Variants in EGR1 observed in about 807,000 individuals in gnomAD.
EGR1 encodes the protein early growth response 1.
Under a neutral mutation model 30.2 loss-of-function variants are expected in EGR1, and 8 were observed. The ratio of observed to expected loss-of-function variants is 0.26; its 90% CI spans 0.16 to 0.48. The LOEUF (loss-of-function observed/expected upper bound fraction) is 0.48, where lower values mean the gene tolerates loss of function less well. Among genes scored for constraint, EGR1 ranks in the 20% least tolerant of loss-of-function variants. EGR1 has a pLI of 0.99. For missense variants in EGR1, 568 were observed against 732.3 expected (o/e 0.78, Z 2.59); for synonymous variants, 334 against 312.8 (o/e 1.07, Z -0.72).
Position 138,466,760 on chromosome 5 carries a change from C to G in EGR1, c.311C>G (p.Ser104Cys). 1 of 1,608,926 alleles carries G rather than the reference C, an allele frequency of 6.2e-7. No individual in the cohort carries two copies. The highest frequency in any genetic ancestry group is 8.5e-7 in the Non-Finnish European group (1 of 1,175,884). The change falls in exon 2 of 2, where the codon TCT becomes TGT. Residue 104 changes from serine to cysteine, a missense_variant. Physicochemically the swap from Ser to Cys is moderately radical, Grantham distance 112. This residue lies in a region of EGR1 where 415 missense variants were observed against 445.2 expected (regional missense o/e 0.93). Coordinates refer to ENST00000239938, the MANE Select transcript of EGR1 (RefSeq NM_001964.3). The stretch of plus-strand genomic sequence containing the variant: ...CCGCTTCTCTCTCTCCTGCCAGAGT[C>G]TTTTCCTGACATCTCTCTGAACAAC... ...EQPYEHLTAESFPDISLNNEK... is the reference protein window; with the variant it reads ...EQPYEHLTAECFPDISLNNEK...
In EGR1 at chr5:138,468,749, C is replaced by T. The variant is rs200522659; in HGVS notation, c.*668C>T. On this transcript the variant is annotated 3_prime_UTR_variant, in exon 2 of 2. Transcript: ENST00000239938. ...AACCTTTTTGTAAATACTGCTTGACCGTACTCTCACATGTGGCAAAATATG... is the reference window on the plus strand; with the variant it reads ...AACCTTTTTGTAAATACTGCTTGACTGTACTCTCACATGTGGCAAAATATG... The T allele has an allele frequency of 3.6e-4, 54 of 151,650 alleles. No homozygotes were observed. Among genetic ancestry groups the T allele is most frequent in the Non-Finnish European group, 2.7e-4 (18 of 67,904 alleles). 9.4% of individuals were successfully genotyped at this position (151,650 alleles called of 1,614,324 possible).
chr5:138,466,215 G>A (rs1365510941), intron 1 of EGR1, 147 bp downstream of exon 1: 5 of 1,345,206 alleles, frequency 3.7e-6, no homozygotes, highest in South Asian at 3.1e-5. Context: ...TTAGAGGGAT[G>A]CCAAGGAACC....
chr5:138,465,529 C>T lies in EGR1; in HGVS notation c.-233C>T, dbSNP rs1162380066. ...GGGAGCCGCCGCCGCCATCCGCCGC[C>T]GCAGCCAGCTTCCGCCGCCGCAGGA... On this transcript the variant is annotated 5_prime_UTR_variant, in exon 1 of 2. Coordinates refer to ENST00000239938, the MANE Select transcript of EGR1 (RefSeq NM_001964.3). 6.9e-6 allele frequency: 2 copies of T among 291,130 alleles called. No homozygotes were observed. Among genetic ancestry groups the T allele is most frequent in the African/African-American group, 2.2e-5 (1 of 45,030 alleles). The allele number at this position is 291,130 out of a possible 1,614,324, so 18.0% of individuals were successfully genotyped here.
In EGR1 at chr5:138,466,041, G is replaced by A. The variant is rs200340767; in HGVS notation, c.280G>A (p.Glu94Lys). 19 of 1,595,798 alleles carry A rather than the reference G, an allele frequency of 1.2e-5. No individual in the cohort carries two copies. The highest frequency in any genetic ancestry group is 1.5e-5 in the Non-Finnish European group (18 of 1,172,254). The change falls in exon 1 of 2, where the codon GAG becomes AAG. Residue 94 changes from glutamate (E) to lysine (K), a missense_variant. Transcript: ENST00000239938. ...CTTCAACCCTCAGGCGGACACGGGC[G>A]AGCAGCCCTACGAGCACCTGACCGC... ...STFNPQADTGEQPYEHLTAES... is the reference protein window; with the variant it reads ...STFNPQADTGKQPYEHLTAES...
In EGR1 at chr5:138,467,311, C is replaced by T; in HGVS notation, c.862C>T (p.Pro288Ser). The T allele has an allele frequency of 6.2e-7, 1 of 1,614,154 alleles. No individual in the cohort carries two copies. Among genetic ancestry groups the T allele is most frequent in the Non-Finnish European group, 8.5e-7 (1 of 1,180,036 alleles). Reference sequence around the variant, plus strand: ...CCGCACCCAGCAGCCTTCGCTAACCCCTCTGTCTACTATTAAGGCCTTTGC... The same window carrying T: ...CCGCACCCAGCAGCCTTCGCTAACCTCTCTGTCTACTATTAAGGCCTTTGC... ...ESRTQQPSLT[P>S]LSTIKAFATQ... The change falls in exon 2 of 2, where the codon CCT (proline) becomes TCT (serine). Residue 288 changes from proline to serine, a missense_variant. Coordinates refer to ENST00000239938, the MANE Select transcript of EGR1 (RefSeq NM_001964.3). The surrounding 1 kb of genome is among the most constrained non-coding windows in gnomAD (Gnocchi z 8.3).
Position 138,467,127 on chromosome 5 carries a change from G to A in EGR1, c.678G>A (p.Pro226=), listed in dbSNP as rs1764168714. The part of the protein sequence containing the change: ...IFPEPQSQAF[P]GSAGTALQYP... ...CTGAGCCACAAAGCCAGGCCTTCCC[G>A]GGCTCGGCAGGGACAGCGCTCCAGT... is the stretch of plus-strand genomic sequence containing the variant. Residue 226 remains proline, a synonymous_variant, in exon 2 of 2, where the codon CCG becomes CCA. Transcript: ENST00000239938. The surrounding 1 kb of genome is among the most constrained non-coding windows in gnomAD (Gnocchi z 8.3). 2 of 1,613,464 alleles carry A rather than the reference G, an allele frequency of 1.2e-6. No individual in the cohort carries two copies. Among genetic ancestry groups the A allele is most frequent in the Middle Eastern group, 1.6e-4 (1 of 6,062 alleles).
Position 138,465,709 on chromosome 5 carries a change from C to A in EGR1, c.-53C>A. On this transcript the variant is annotated 5_prime_UTR_variant, in exon 1 of 2. Coordinates refer to ENST00000239938, the MANE Select transcript of EGR1 (RefSeq NM_001964.3). ...CAACTGTGTCCCCTGCAGCTCCAGC[C>A]CCGGGCTGCACCCCCCCGCCCCGAC... 1 of 1,500,010 alleles carries A rather than the reference C, an allele frequency of 6.7e-7. No homozygotes were observed. Among genetic ancestry groups the A allele is most frequent in the South Asian group, 1.3e-5 (1 of 75,020 alleles). The allele number at this position is 1,500,010 out of a possible 1,614,324, so 92.9% of individuals were successfully genotyped here. A position where few individuals can be genotyped will look rare whatever the true frequency, so the allele number is the denominator to read the frequency against.
At position 138,467,438 on chromosome 5, in the gene EGR1, A is replaced by G. The variant is rs555144693; in HGVS notation, c.989A>G (p.Lys330Arg). 6.2e-7 allele frequency: 1 copy of G among 1,614,080 alleles called. No individual in the cohort carries two copies. Among genetic ancestry groups the G allele is most frequent in the African/African-American group, 1.3e-5 (1 of 75,014 alleles). ...RMRKYPNRPS[K>R]TPPHERPYAC... ...CGCAAGTACCCCAACCGGCCCAGCAAGACGCCCCCCCACGAACGCCCTTAC... is the reference window on the plus strand; with the variant it reads ...CGCAAGTACCCCAACCGGCCCAGCAGGACGCCCCCCCACGAACGCCCTTAC... The change falls in exon 2 of 2, where the codon AAG (lysine) becomes AGG (arginine). Residue 330 changes from lysine to arginine, a missense_variant. This residue lies in a region of EGR1 where 415 missense variants were observed against 445.2 expected (regional missense o/e 0.93). Transcript: ENST00000239938. This position sits in a 1 kb window ranked among gnomAD's most constrained non-coding sequence, Gnocchi z 8.3.
chr5:138,465,654 C>A lies in EGR1; in HGVS notation c.-108C>A, dbSNP rs1764141945. ...CCTGCACGCTTCTCAGTGTTCCCCG[C>A]GCCCCGCATGTAACCCGGCCAGGCC... On this transcript the variant is annotated 5_prime_UTR_variant, in exon 1 of 2. Transcript: ENST00000239938. 2 of 1,285,844 alleles carry A rather than the reference C, an allele frequency of 1.6e-6. No individual in the cohort carries two copies. Among genetic ancestry groups the A allele is most frequent in the Non-Finnish European group, 2.0e-6 (2 of 978,588 alleles). 79.7% of individuals were successfully genotyped at this position (1,285,844 alleles called of 1,614,324 possible).
chr5:138,465,885 A>C lies in EGR1; in HGVS notation c.124A>C (p.Ser42Arg). The C allele has an allele frequency of 6.2e-7, 1 of 1,613,944 alleles. No individual in the cohort carries two copies. Reference protein sequence around the residue: ...YPKLEEMMLLSNGAPQFLGAA... With the variant: ...YPKLEEMMLLRNGAPQFLGAA... ...TAAGCTGGAGGAGATGATGCTGCTG[A>C]GCAACGGGGCTCCCCAGTTCCTCGG... Residue 42 changes from serine to arginine, a missense_variant, in exon 1 of 2, where the codon AGC becomes CGC. Ser to Arg is a moderately radical substitution (Grantham distance 110). This residue lies in a region of EGR1 where 415 missense variants were observed against 445.2 expected (regional missense o/e 0.93). Coordinates refer to ENST00000239938, the MANE Select transcript of EGR1 (RefSeq NM_001964.3).
In EGR1 at chr5:138,468,786, CTTTTTTTT is replaced by C; in HGVS notation, c.*713_*720del. ...TGTGGCAAAATATGGTTTGGTTTTT[CTTTTTTTT>C]TTTTTTTGAAAGTGTTTTTTCTTCG... On this transcript the variant is annotated 3_prime_UTR_variant, in exon 2 of 2. Coordinates refer to ENST00000239938, the MANE Select transcript of EGR1 (RefSeq NM_001964.3). 7.4e-6 allele frequency: 1 copy of C among 134,990 alleles called. No individual in the cohort carries two copies. Among genetic ancestry groups the C allele is most frequent in the East Asian group, 2.2e-4 (1 of 4,596 alleles). The allele number at this position is 134,990 out of a possible 1,614,324, so 8.4% of individuals were successfully genotyped here.
At position 138,466,040 on chromosome 5, in the gene EGR1, C is replaced by CCCT. The variant is rs747666045; in HGVS notation, c.279_280insCCT (p.Gly93_Glu94insPro). ...CCTTCAACCCTCAGGCGGACACGGGCGAGCAGCCCTACGAGCACCTGACCG... is the reference window on the plus strand; with the variant it reads ...CCTTCAACCCTCAGGCGGACACGGGCCCTGAGCAGCCCTACGAGCACCTGACCG... On this transcript the variant is annotated inframe_insertion, in exon 1 of 2. Transcript: ENST00000239938. The CCCT allele has an allele frequency of 3.3e-5, 52 of 1,596,218 alleles. No individual in the cohort carries two copies. The highest frequency in any genetic ancestry group is 1.7e-4 in the Middle Eastern group (1 of 6,008).
Position 138,467,004 on chromosome 5 carries a change from C to A in EGR1, c.555C>A (p.Ser185=), listed in dbSNP as rs765836909. The change falls in exon 2 of 2, where the codon TCC becomes TCA. Residue 185 remains serine, a synonymous_variant. Transcript: ENST00000239938. The surrounding 1 kb of genome is among the most constrained non-coding windows in gnomAD (Gnocchi z 8.3). The stretch of plus-strand genomic sequence containing the variant: ...CAGCGGCCTCCTCCGCCTCCGCCTC[C>A]CAGAGCCCACCCCTGAGCTGCGCAG... The part of the protein sequence containing the change: ...PSPAASSASA[S]QSPPLSCAVP... The A allele has an allele frequency of 1.2e-6, 2 of 1,614,042 alleles. No individual in the cohort carries two copies. Among genetic ancestry groups the A allele is most frequent in the East Asian group, 4.5e-5 (2 of 44,888 alleles).
chr5:138,468,486 GTGTC>G lies in EGR1; in HGVS notation c.*409_*412del. 7.5e-6 allele frequency: 2 copies of G among 265,852 alleles called. No homozygotes were observed. The highest frequency in any genetic ancestry group is 7.0e-5 in the South Asian group (2 of 28,738). 16.5% of individuals were successfully genotyped at this position (265,852 alleles called of 1,614,324 possible). On this transcript the variant is annotated 3_prime_UTR_variant, in exon 2 of 2. Transcript: ENST00000239938. ...GAGCCCTGCCCTGCACCCTTGTACA[GTGTC>G]TGTGCCATGGATTTCGTTTTTCTTG...
At position 138,466,035 on chromosome 5, in the gene EGR1, ACGG is replaced by A. The variant is rs778481843; in HGVS notation, c.275_277del (p.Thr92_Gly93delinsSer). The A allele has an allele frequency of 3.3e-5, 52 of 1,598,966 alleles. No homozygotes were observed. Among genetic ancestry groups the A allele is most frequent in the Middle Eastern group, 1.7e-4 (1 of 6,026 alleles). ...CAGCACCTTCAACCCTCAGGCGGACACGGGCGAGCAGCCCTACGAGCACCTGAC... is the reference window on the plus strand; with the variant it reads ...CAGCACCTTCAACCCTCAGGCGGACAGCGAGCAGCCCTACGAGCACCTGAC... On this transcript the variant is annotated inframe_deletion, in exon 1 of 2. Coordinates refer to ENST00000239938, the MANE Select transcript of EGR1 (RefSeq NM_001964.3).
At position 138,468,096 on chromosome 5, in the gene EGR1, G is replaced by T. The variant is rs1430607119; in HGVS notation, c.*15G>T. The T allele has an allele frequency of 6.5e-7, 1 of 1,549,824 alleles. No individual in the cohort carries two copies. Among genetic ancestry groups the T allele is most frequent in the Non-Finnish European group, 8.7e-7 (1 of 1,149,478 alleles). ...AAATTTGCTAAAGGGAAAGGGGAAA[G>T]AAAGGGAAAAGGGAGAAAAAGAAAC... On this transcript the variant is annotated 3_prime_UTR_variant, in exon 2 of 2. Coordinates refer to ENST00000239938, the MANE Select transcript of EGR1 (RefSeq NM_001964.3).
In EGR1 at chr5:138,467,868, C is replaced by A; in HGVS notation, c.1419C>A (p.Ser473=). Residue 473 remains serine, a synonymous_variant, in exon 2 of 2, where the codon TCC becomes TCA. Coordinates refer to ENST00000239938, the MANE Select transcript of EGR1 (RefSeq NM_001964.3). This position sits in a 1 kb window ranked among gnomAD's most constrained non-coding sequence, Gnocchi z 8.3. ...CATACCCATCCCCTGTGCCCACCTC[C>A]TTCTCCTCTCCCGGCTCCTCGACCT... ...TTSYPSPVPT[S]FSSPGSSTYP... 6.2e-7 allele frequency: 1 copy of A among 1,613,856 alleles called. No homozygotes were observed.
chr5:138,468,209 C>T lies in EGR1; in HGVS notation c.*128C>T, dbSNP rs898940454. On this transcript the variant is annotated 3_prime_UTR_variant, in exon 2 of 2. Transcript: ENST00000239938. ...AGATGGAGGTTCTCAGAGCCAAGTC[C>T]TCCCTCTCTACTGGAGTGGAAGGTC... is the stretch of plus-strand genomic sequence containing the variant. 1 of 1,506,336 alleles carries T rather than the reference C, an allele frequency of 6.6e-7. No individual in the cohort carries two copies. Among genetic ancestry groups the T allele is most frequent in the Non-Finnish European group, 8.9e-7 (1 of 1,124,444 alleles). The allele number at this position is 1,506,336 out of a possible 1,614,324, so 93.3% of individuals were successfully genotyped here.
chr5:138,466,766 C>A lies in EGR1; in HGVS notation c.317C>A (p.Pro106His). 1 of 1,610,038 alleles carries A rather than the reference C, an allele frequency of 6.2e-7. No homozygotes were observed. The highest frequency in any genetic ancestry group is 8.5e-7 in the Non-Finnish European group (1 of 1,176,716). Reference protein sequence around the residue: ...PYEHLTAESFPDISLNNEKVL... With the variant: ...PYEHLTAESFHDISLNNEKVL... ...CTCTCTCTCCTGCCAGAGTCTTTTC[C>A]TGACATCTCTCTGAACAACGAGAAG... is the stretch of plus-strand genomic sequence containing the variant. The change falls in exon 2 of 2, where the codon CCT becomes CAT. Residue 106 changes from proline (P) to histidine (H), a missense_variant. Around this residue, in one of 4 missense-constraint regions of EGR1, gnomAD observed 415 missense variants for 445.2 expected, o/e 0.93. Transcript: ENST00000239938.
Sources: allele counts gnomAD v4.1 joint callset, GRCh38; gene constraint gnomAD v4.1.1; regional missense constraint gnomAD v4.1.1; non-coding constraint Gnocchi (gnomAD v3.1); transcripts MANE v1.5; gene names NCBI Gene and HGNC (gene_info 2026-07-23, HGNC 2026-07-21).